The following MYO16 variants were observed in gnomAD, a reference collection of about 807,000 sequenced individuals.
MYO16 encodes the protein myosin XVI.
A neutral mutation model predicts 205.3 loss-of-function variants in MYO16; 94 were observed. The observed-to-expected ratio is 0.46, with a 90% CI of 0.39 to 0.54. MYO16 has a LOEUF of 0.54. Among genes scored for constraint, MYO16 ranks in the 20% least tolerant of loss-of-function variants. The pLI is 0.00. For synonymous variants in MYO16, 988 were observed against 954.0 expected (o/e 1.04, Z -0.66); for missense variants, 2,315 against 2,387.5 (o/e 0.97, Z 0.63).
intron 27 of MYO16, 76 bp from the exon 28 acceptor site, chr13:109,100,705 TAACA>T: frequency 8.8e-7 from 1 of 1,132,220 alleles, no homozygotes. Flanking sequence ...GGAAACGATG[TAACA>T]AAGACAGCCC....
chr13:109,206,095 G>A (rs1880587381), intron 34 of MYO16, among the ~76,000 whole-genome samples: 1 of 152,022 alleles, frequency 6.6e-6, no homozygotes, highest in African/African-American at 2.4e-5. Flanking sequence ...GGACCCTCAT[G>A]AGTAGGGGTC....
At chr13:108,731,040 C>G (rs1370176435) in intron 4 of MYO16, among the ~76,000 whole-genome samples, 1 of 152,108 alleles carries the variant, frequency 6.6e-6, no homozygotes. Flanking sequence ...CCTATTTGTT[C>G]CCATGGCAAC....
chr13:109,205,565 A>G (rs1880563692), intron 34 of MYO16, among the ~76,000 whole-genome samples: 1 of 152,108 alleles, frequency 6.6e-6, no homozygotes, highest in Non-Finnish European at 1.5e-5. Context: ...CAGTATTCCT[A>G]TTCGGATTTC....
At chr13:108,657,941 C>A (rs868055881) in intron 1 of MYO16, among the ~76,000 whole-genome samples, 1 of 152,134 alleles carries the variant, frequency 6.6e-6, no homozygotes. Context: ...GCCACCCTTT[C>A]ATTCTGCTGA....
At chr13:109,065,437 T>G in intron 27 of MYO16, 1 of 389,858 alleles carries the variant, frequency 2.6e-6, no homozygotes, top group Non-Finnish European at 4.9e-6. Context: ...CCGATATGTA[T>G]ATGTTAGTTT....
the MYO16 span, among the ~76,000 whole-genome samples, chr13:108,506,111 T>TC: frequency 6.7e-6 from 1 of 148,662 alleles, no homozygotes; most frequent in Non-Finnish European, 1.5e-5. Context: ...CCAGCTTTAT[T>TC]CTTTTTTTCT....
chr13:108,545,782 A>G, the MYO16 span, among the ~76,000 whole-genome samples: 1 of 152,158 alleles, frequency 6.6e-6, no homozygotes, highest in Non-Finnish European at 1.5e-5. Flanking sequence ...TTACACCTTT[A>G]GGGAGTATTT....
intron 14 of MYO16, 112 bp downstream of exon 14, chr13:108,888,589 G>T: frequency 1.9e-6 from 1 of 528,678 alleles, no homozygotes; most frequent in Non-Finnish European, 3.2e-6. Flanking sequence ...CAAAATTTGT[G>T]GAAATAAAGA....
At chr13:108,839,528 T>C (rs1008867539) in intron 9 of MYO16, among the ~76,000 whole-genome samples, 13 of 152,220 alleles carry the variant, frequency 8.5e-5, no homozygotes, top group African/African-American at 3.1e-4. Context: ...CATATGTAGA[T>C]AGCTACATAG....
upstream of MYO16, among the ~76,000 whole-genome samples, chr13:108,593,326 C>A (rs77138518): frequency 0.032 from 4,925 of 152,170 alleles, 181 homozygotes; most frequent in African/African-American, 0.094. Flanking sequence ...AAAAGGTGCA[C>A]AAGGCAGGCT....
chr13:109,153,529 C>T (rs763072969), intron 32 of MYO16, among the ~76,000 whole-genome samples: 2 of 152,128 alleles, frequency 1.3e-5, no homozygotes, highest in Non-Finnish European at 2.9e-5. Context: ...GAAGCCAAGA[C>T]CGTCCGATCA....
At chr13:108,687,606 A>G (rs1566550488) in intron 2 of MYO16, among the ~76,000 whole-genome samples, 1 of 152,242 alleles carries the variant, frequency 6.6e-6, no homozygotes, top group African/African-American at 2.4e-5. Flanking sequence ...TGGAAAACAC[A>G]TTGAATGTAG....
the MYO16 span, among the ~76,000 whole-genome samples, chr13:108,509,760 C>T: frequency 2.0e-5 from 3 of 152,124 alleles, no homozygotes; most frequent in African/African-American, 7.2e-5. Flanking sequence ...AAAAAACCTG[C>T]ACATTATGCA....
the MYO16 span, among the ~76,000 whole-genome samples, chr13:108,548,323 T>G: frequency 2.7e-5 from 4 of 147,602 alleles, no homozygotes; most frequent in East Asian, 2.1e-4. Context: ...TGATTGTTGT[T>G]GTGGTGGTGG....
chr13:109,104,612 A>T (rs893695420), intron 28 of MYO16, among the ~76,000 whole-genome samples: 2 of 152,178 alleles, frequency 1.3e-5, no homozygotes, highest in Non-Finnish European at 2.9e-5. Flanking sequence ...GTCAATTCTA[A>T]TTCTGAGGGT....
At chr13:108,740,865 T>A (rs1203037420) in intron 4 of MYO16, among the ~76,000 whole-genome samples, 1 of 152,156 alleles carries the variant, frequency 6.6e-6, no homozygotes, top group Admixed American at 6.5e-5. Flanking sequence ...CACTGCCACC[T>A]TGCAGTTATA....
rs750982673 is a variant in MYO16 at position 109,140,422 on chromosome 13, G to A, written c.4210G>A (p.Ala1404Thr). The A allele has an allele frequency of 9.1e-5, 142 of 1,567,740 alleles. No homozygotes were observed. The East Asian group carries it at 3.2e-3, about 35-fold the overall frequency. ...CGCGAGGCCCGCGGGCGCCCCGGGG[G>A]CAGCAGCGCGCGTTCTGACCCCCGG... is the stretch of plus-strand genomic sequence containing the variant. The part of the protein sequence containing the change: ...GDARPAGAPG[A>T]AARVLTPGTP... The change falls in exon 32 of 35, where the codon GCA becomes ACA. Residue 1404 changes from alanine (A) to threonine (T), a missense_variant. This residue lies in a region of MYO16 where 1,097 missense variants were observed against 1,092.0 expected (regional missense o/e 1.00). Transcript: ENST00000457511. The surrounding 1 kb of genome is among the most constrained non-coding windows in gnomAD (Gnocchi z 8.0).
chr13:108,597,417 T>A (rs979501467), intron 1 of MYO16, among the ~76,000 whole-genome samples: 2 of 152,032 alleles, frequency 1.3e-5, no homozygotes, highest in Admixed American at 1.3e-4. Flanking sequence ...AAGTCTGAAA[T>A]TTTTTTTAGA....
At chr13:108,691,881 T>C (rs1410044226) in intron 2 of MYO16, among the ~76,000 whole-genome samples, 1 of 152,196 alleles carries the variant, frequency 6.6e-6, no homozygotes, top group Non-Finnish European at 1.5e-5. Context: ...ATTAAAATGG[T>C]CATATTTCTG....
Sources: allele counts gnomAD v4.1 joint callset (sites outside exome capture counted in the v4.1 genomes callset), GRCh38; gene constraint gnomAD v4.1.1; regional missense constraint gnomAD v4.1.1; non-coding constraint Gnocchi (gnomAD v3.1); transcripts MANE v1.5; gene names NCBI Gene and HGNC (gene_info 2026-07-23, HGNC 2026-07-21).